The following PRKCI variants were observed in gnomAD, a reference collection of about 807,000 sequenced individuals.
PRKCI encodes protein kinase C iota.
Under a neutral mutation model 84.0 loss-of-function variants are expected in PRKCI, and 43 were observed. That is an observed-to-expected ratio of 0.51 (90% CI 0.40 to 0.66). The LOEUF (loss-of-function observed/expected upper bound fraction) is 0.66, where lower values mean the gene tolerates loss of function less well. Among genes scored for constraint, PRKCI ranks in the 30% least tolerant of loss-of-function variants. The pLI, the probability that PRKCI is intolerant of heterozygous loss-of-function variation, is 0.00. For synonymous variants in PRKCI, 216 were observed against 234.4 expected, an observed-to-expected ratio of 0.92 and a Z score of 0.72; for missense variants, 459 against 745.6, an observed-to-expected ratio of 0.62 and a Z score of 4.48.
In PRKCI at chr3:170,225,586, T is replaced by A. The variant is rs559262530; in HGVS notation, c.101+2816T>A. ...ACTTTTCTTTTCTTTTTTTTTTTTT[T>A]AAATAGAGACAAGGTCTCACCGTGT... On this transcript the variant is annotated intron_variant, in intron 1 of 17. Transcript: ENST00000295797. Among the ~76,000 whole-genome samples, 561 of 151,418 alleles carry A rather than the reference T, an allele frequency of 3.7e-3. 2 individuals are homozygous for A. Among genetic ancestry groups the A allele is most frequent in the African/African-American group, 0.013 (541 of 41,394 alleles).
rs1367450332 is a variant in PRKCI, at chr3:170,245,953, T to G, written c.223+10602T>G. 1.4e-4 allele frequency among the ~76,000 whole-genome samples: 17 copies of G among 119,926 alleles called. No homozygotes were observed. In the East Asian group the frequency reaches 3.2e-3, roughly 23 times the overall value. 78.7% of individuals were successfully genotyped at this position (119,926 alleles called of 152,430 possible). ...TTCCCTGGATGTTATGTCTTTGTTT[T>G]TTTTTTTTTTTTTTTTTCTGACACA... is the stretch of plus-strand genomic sequence containing the variant. On this transcript the variant is annotated intron_variant, in intron 2 of 17. Coordinates refer to ENST00000295797, the MANE Select transcript of PRKCI (RefSeq NM_002740.6).
intron 2 of PRKCI, among the ~76,000 whole-genome samples, chr3:170,258,370 A>G (rs58763006): frequency 0.08 from 12,183 of 151,538 alleles, 682 homozygotes; most frequent in East Asian, 0.21. Flanking sequence ...CAGTAGCACA[A>G]TCTTGACTCA....
At chr3:170,271,494 AG>A (rs1734004531) in intron 6 of PRKCI, among the ~76,000 whole-genome samples, 1 of 152,214 alleles carries the variant, frequency 6.6e-6, no homozygotes, top group Admixed American at 6.5e-5. Context: ...ATTATGAATC[AG>A]GATCCAAATG....
intron 2 of PRKCI, among the ~76,000 whole-genome samples, chr3:170,241,563 G>A (rs926862060): frequency 6.6e-6 from 1 of 152,044 alleles, no homozygotes; most frequent in African/African-American, 2.4e-5. Context: ...TATTTCATCT[G>A]TTTATCCATT....
At chr3:170,293,679 G>A (rs574464018) in intron 14 of PRKCI, among the ~76,000 whole-genome samples, 171 bp downstream of exon 14, 6 of 152,138 alleles carry the variant, frequency 3.9e-5, no homozygotes, top group Non-Finnish European at 8.8e-5. Flanking sequence ...TTGAGACAAG[G>A]TCTCACTCTT....
chr3:170,222,793 G>T, intron 1 of PRKCI, 23 bp downstream of exon 1: 1 of 1,589,388 alleles, frequency 6.3e-7, no homozygotes, highest in Admixed American at 1.7e-5. Flanking sequence ...GGACAGGGCG[G>T]TGGGCGGGAG....
chr3:170,247,119 T>G (rs1391396353), intron 2 of PRKCI, among the ~76,000 whole-genome samples: 1 of 152,114 alleles, frequency 6.6e-6, no homozygotes, highest in Admixed American at 6.5e-5. Context: ...TGGAGTGCAG[T>G]GGTACAGTCA....
intron 12 of PRKCI, among the ~76,000 whole-genome samples, chr3:170,289,612 A>G (rs1199197769): frequency 1.3e-5 from 2 of 152,046 alleles, no homozygotes; most frequent in African/African-American, 2.4e-5. Context: ...CATCTCTACT[A>G]AAAATACAAA....
At chr3:170,225,323 C>G (rs1732600819) in intron 1 of PRKCI, among the ~76,000 whole-genome samples, 1 of 152,174 alleles carries the variant, frequency 6.6e-6, no homozygotes, top group South Asian at 2.1e-4. Context: ...ATAGTCTAAA[C>G]TGATGATTGT....
intron 12 of PRKCI, among the ~76,000 whole-genome samples, chr3:170,290,911 G>A (rs916682213): frequency 5.3e-5 from 8 of 152,124 alleles, no homozygotes; most frequent in Admixed American, 1.3e-4. Context: ...GCCGAGGTGG[G>A]CAGATCATCT....
chr3:170,255,810 T>C (rs1170016575), intron 2 of PRKCI, among the ~76,000 whole-genome samples: 1 of 152,234 alleles, frequency 6.6e-6, no homozygotes, highest in Non-Finnish European at 1.5e-5. Flanking sequence ...ATGGCTTTTA[T>C]CGTGTTGAGG....
chr3:170,233,291 T>G (rs1285622915), intron 1 of PRKCI, among the ~76,000 whole-genome samples: 2 of 149,382 alleles, frequency 1.3e-5, no homozygotes, highest in African/African-American at 5.0e-5. Flanking sequence ...TTTTAGAATA[T>G]AGGCACATTG....
chr3:170,245,768 G>A (rs1733259761), intron 2 of PRKCI, among the ~76,000 whole-genome samples: 2 of 152,044 alleles, frequency 1.3e-5, no homozygotes, highest in Admixed American at 1.3e-4. Context: ...TGAAAGACAG[G>A]ATCTCACTGT....
intron 12 of PRKCI, among the ~76,000 whole-genome samples, chr3:170,290,708 T>G (rs1367269180): frequency 6.6e-6 from 1 of 152,210 alleles, no homozygotes; most frequent in African/African-American, 2.4e-5. Context: ...ACTCTTTGTA[T>G]TTTGAGGCCA....
rs374161069 is a variant in PRKCI at position 170,263,422 on chromosome 3, A to G, written c.357A>G (p.Gly119=). Residue 119 remains glycine, a synonymous_variant, in exon 4 of 18, where the codon GGA becomes GGG. Transcript: ENST00000295797. ...AACGTCCTGGGATGCCTTGTCCAGG[A>G]GAAGATAGTGAGTGTTTATATACTT... ...VPERPGMPCP[G]EDKSIYRRGA... is the part of the protein sequence containing the mutation. 3 of 1,594,078 alleles carry G rather than the reference A, an allele frequency of 1.9e-6. No homozygotes were observed. Among genetic ancestry groups the G allele is most frequent in the Admixed American group, 1.7e-5 (1 of 59,944 alleles).
intron 2 of PRKCI, among the ~76,000 whole-genome samples, chr3:170,235,879 T>A (rs959387373): frequency 5.3e-5 from 8 of 152,006 alleles, no homozygotes; most frequent in South Asian, 2.1e-4. Flanking sequence ...TTGACTTTTT[T>A]AAGCATAAGG....
chr3:170,225,469 A>T lies in PRKCI; in HGVS notation c.101+2699A>T, dbSNP rs74974633. ...AGAAAATCCTTCCTTTATACCAAGA[A>T]ATGTGAGAACATTCTGCATTTGAAA... On this transcript the variant is annotated intron_variant, in intron 1 of 17. Coordinates refer to ENST00000295797, the MANE Select transcript of PRKCI (RefSeq NM_002740.6). Among the ~76,000 whole-genome samples, 640 of 152,328 alleles carry T rather than the reference A, an allele frequency of 4.2e-3. 3 individuals are homozygous for T. The highest frequency in any genetic ancestry group is 7.2e-3 in the Non-Finnish European group (492 of 68,022).
chr3:170,260,234 C>T (rs902842144), intron 3 of PRKCI, among the ~76,000 whole-genome samples, 176 bp downstream of exon 3: 1 of 152,112 alleles, frequency 6.6e-6, no homozygotes, highest in Non-Finnish European at 1.5e-5. Context: ...TAAAATTAAT[C>T]TGCTGCTTAT....
At chr3:170,227,199 G>A (rs1048250668) in intron 1 of PRKCI, among the ~76,000 whole-genome samples, 9 of 152,256 alleles carry the variant, frequency 5.9e-5, no homozygotes, top group Admixed American at 2.6e-4. Flanking sequence ...TGATTGAAAT[G>A]AGCCTAATTT....
Sources: gnomAD v4.1 joint callset for allele counts (sites outside exome capture counted in the v4.1 genomes callset) on GRCh38, gnomAD v4.1.1 for gene constraint, MANE v1.5 for transcripts, NCBI Gene and HGNC (gene_info 2026-07-23, HGNC 2026-07-21) for gene names.